Variants in RREB1 observed in about 807,000 individuals in gnomAD.
RREB1 encodes the protein ras-responsive element-binding protein 1.
In RREB1, 27 loss-of-function variants were observed where a neutral mutation model predicts 117.8. The ratio of observed to expected loss-of-function variants is 0.23; its 90% CI spans 0.17 to 0.32. The LOEUF is 0.32. RREB1 is among the 10% of genes least tolerant of loss of function. The pLI is 1.00. For synonymous variants in RREB1, 1,298 were observed against 1,026.7 expected (o/e 1.26, Z -5.05); for missense variants, 2,577 against 2,378.2 (o/e 1.08, Z -1.74).
intron 1 of RREB1, among the ~76,000 whole-genome samples, chr6:7,119,934 C>T (rs1004158976): frequency 1.3e-5 from 2 of 151,698 alleles, no homozygotes; most frequent in Non-Finnish European, 2.9e-5. Context: ...AGGGGCTTGG[C>T]GATGAGGAAG....
intron 10 of RREB1, among the ~76,000 whole-genome samples, chr6:7,232,149 T>C (rs540765233): frequency 2.0e-5 from 3 of 152,316 alleles, no homozygotes; most frequent in African/African-American, 7.2e-5. Context: ...TAAGTGTTCA[T>C]CCGGGGCGTT....
intron 6 of RREB1, among the ~76,000 whole-genome samples, chr6:7,191,221 A>ATT (rs796819855): frequency 2.7e-5 from 4 of 145,794 alleles, no homozygotes; most frequent in African/African-American, 5.0e-5. Context: ...TTCACTTTTC[A>ATT]TTTTTTTTTT....
At chr6:7,195,534 T>A (rs769831504) in intron 6 of RREB1, among the ~76,000 whole-genome samples, 7 of 152,210 alleles carry the variant, frequency 4.6e-5, no homozygotes, top group Non-Finnish European at 1.0e-4. Flanking sequence ...CCCTGGGATG[T>A]GTGTGCAGGA....
intron 1 of RREB1, among the ~76,000 whole-genome samples, chr6:7,137,029 GAGA>G (rs1762371624): frequency 6.6e-6 from 1 of 152,198 alleles, no homozygotes; most frequent in African/African-American, 2.4e-5. Flanking sequence ...GATGTTCTTC[GAGA>G]AGATGGAGGA....
intron 6 of RREB1, among the ~76,000 whole-genome samples, chr6:7,201,494 T>TTCCCCCCCCCCCCCC (rs1429243157): frequency 8.7e-6 from 1 of 115,166 alleles, no homozygotes; most frequent in African/African-American, 3.4e-5. Context: ...GGCAACATTG[T>TTCCCCCCCCCCCCCC]CCCCCCCCCC....
chr6:7,175,903 G>C (rs1490630587), intron 1 of RREB1, among the ~76,000 whole-genome samples: 4 of 152,190 alleles, frequency 2.6e-5, no homozygotes, highest in African/African-American at 9.7e-5. Context: ...TTAAGGCACT[G>C]TTTAGTTGTA....
At chr6:7,161,958 T>C (rs1051913797) in intron 1 of RREB1, among the ~76,000 whole-genome samples, 1 of 152,218 alleles carries the variant, frequency 6.6e-6, no homozygotes, top group Non-Finnish European at 1.5e-5. Context: ...GCTTTAAAAA[T>C]TGTGAGGAGG....
intron 1 of RREB1, among the ~76,000 whole-genome samples, chr6:7,137,839 G>A (rs1042369552): frequency 5.9e-5 from 9 of 152,074 alleles, no homozygotes; most frequent in African/African-American, 2.2e-4. Flanking sequence ...TCTCTTGCCT[G>A]GTGGTAGGCC....
chr6:7,146,668 A>C (rs1161827192), intron 1 of RREB1, among the ~76,000 whole-genome samples: 1 of 152,028 alleles, frequency 6.6e-6, no homozygotes, highest in Non-Finnish European at 1.5e-5. Context: ...TCACTATAAC[A>C]CACATTGCAA....
chr6:7,176,959 A>G lies in RREB1; in HGVS notation c.-166+186A>G, dbSNP rs770580480. 8.3e-4 allele frequency among the ~76,000 whole-genome samples: 126 copies of G among 152,126 alleles called. 1 individual carries two copies. The highest frequency in any genetic ancestry group is 8.7e-4 in the Non-Finnish European group (59 of 67,970). On this transcript the variant is annotated intron_variant, in intron 2 of 12. Transcript: ENST00000379938. ...AGGCCAGACATGGTGGCTCACACCTATAATTCCAGCACTTTAGGAGGCTGA... is the reference window on the plus strand; with the variant it reads ...AGGCCAGACATGGTGGCTCACACCTGTAATTCCAGCACTTTAGGAGGCTGA...
Position 7,230,698 on chromosome 6 carries a change from A to C in RREB1, c.2599A>C (p.Asn867His). 6.3e-7 allele frequency: 1 copy of C among 1,594,110 alleles called. No individual in the cohort carries two copies. The highest frequency in any genetic ancestry group is 8.6e-7 in the Non-Finnish European group (1 of 1,169,324). ...CCTCACTGCCTTCCTGGAACCCCAG[A>C]ACGGCTTTCTTCACAGGGGCCCCAC... ...KPLTAFLEPQ[N>H]GFLHRGPTQP... is the part of the protein sequence containing the mutation. Residue 867 changes from asparagine to histidine, a missense_variant, in exon 10 of 13, where the codon AAC (asparagine) becomes CAC (histidine). Asn to His is a moderately conservative substitution (Grantham distance 68). Transcript: ENST00000379938.
chr6:7,142,604 C>T (rs540038430), intron 1 of RREB1, among the ~76,000 whole-genome samples: 5 of 152,336 alleles, frequency 3.3e-5, no homozygotes, highest in African/African-American at 1.2e-4. Flanking sequence ...CAGGCTTGAC[C>T]CCCAGCAGGC....
intron 12 of RREB1, among the ~76,000 whole-genome samples, 198 bp downstream of exon 12, chr6:7,247,419 G>A (rs1421101845): frequency 6.6e-6 from 1 of 152,202 alleles, no homozygotes; most frequent in Non-Finnish European, 1.5e-5. Flanking sequence ...GCCTCCTGCA[G>A]CCAGGCAGGA....
chr6:7,193,925 T>G (rs998917342), intron 6 of RREB1, among the ~76,000 whole-genome samples: 1 of 151,760 alleles, frequency 6.6e-6, no homozygotes, highest in Admixed American at 6.5e-5. Context: ...AAATAATTGA[T>G]GTAGCTTTTG....
chr6:7,237,679 T>A lies in RREB1; in HGVS notation c.3809-2759T>A, dbSNP rs188231173. Among the ~76,000 whole-genome samples the A allele has an allele frequency of 1.1e-4, 16 of 152,338 alleles. No individual in the cohort carries two copies. In the East Asian group the frequency reaches 2.9e-3, roughly 28 times the overall value. ...CCAAATAAATAGAATCATTTGCTAC[T>A]TTCTATATAGATGGCTGGCCAACAA... On this transcript the variant is annotated intron_variant, in intron 10 of 12. Transcript: ENST00000379938.
At chr6:7,115,958 T>C (rs190096777) in intron 1 of RREB1, among the ~76,000 whole-genome samples, 4 of 152,138 alleles carry the variant, frequency 2.6e-5, no homozygotes, top group African/African-American at 9.7e-5. Context: ...CACACTCCAG[T>C]CTGGCCCTGG....
In RREB1 at chr6:7,229,058, C is replaced by T. The variant is rs1484893381; in HGVS notation, c.959C>T (p.Thr320Ile). ...GAGCAACACCGTTTTGTCTGCGACA[C>T]CTGTGACAAGGCGTTCCCCATGCTC... ...ISEQHRFVCD[T>I]CDKAFPMLCS... is the part of the protein sequence containing the mutation. The change falls in exon 10 of 13, where the codon ACC (threonine) becomes ATC (isoleucine). Residue 320 changes from threonine (T) to isoleucine (I), a missense_variant. Physicochemically the swap from Thr to Ile is moderately conservative, Grantham distance 89 (BLOSUM62 -1). Coordinates refer to ENST00000379938, the MANE Select transcript of RREB1 (RefSeq NM_001003699.4). The surrounding 1 kb of genome is among the most constrained non-coding windows in gnomAD (Gnocchi z 4.5). The T allele has an allele frequency of 6.4e-7, 1 of 1,568,278 alleles. No homozygotes were observed.
chr6:7,234,499 C>G (rs2113137746), intron 10 of RREB1, among the ~76,000 whole-genome samples: 1 of 152,282 alleles, frequency 6.6e-6, no homozygotes, highest in Non-Finnish European at 1.5e-5. Flanking sequence ...GATTGCCTGG[C>G]TTTTGAATGC....
Position 7,229,449 on chromosome 6 carries a change from T to C in RREB1, c.1350T>C (p.Pro450=), listed in dbSNP as rs1285994698. The change falls in exon 10 of 13, where the codon CCT becomes CCC. Residue 450 remains proline, a synonymous_variant. Coordinates refer to ENST00000379938, the MANE Select transcript of RREB1 (RefSeq NM_001003699.4). The surrounding 1 kb of genome is among the most constrained non-coding windows in gnomAD (Gnocchi z 4.5). ...QPFQKGFIIQ[P]DSSIVVKPIS... is the part of the protein sequence containing the mutation. Reference sequence around the variant, plus strand: ...TCCAGAAGGGCTTCATCATCCAGCCTGACAGCAGCATTGTGGTCAAGCCCA... The same window carrying C: ...TCCAGAAGGGCTTCATCATCCAGCCCGACAGCAGCATTGTGGTCAAGCCCA... The C allele has an allele frequency of 6.2e-7, 1 of 1,614,168 alleles. No individual in the cohort carries two copies. Among genetic ancestry groups the C allele is most frequent in the East Asian group, 2.2e-5 (1 of 44,882 alleles).
Sources: gnomAD v4.1 joint callset for allele counts (sites outside exome capture counted in the v4.1 genomes callset) on GRCh38, gnomAD v4.1.1 for gene constraint, Gnocchi (gnomAD v3.1) non-coding constraint, MANE v1.5 for transcripts, NCBI Gene and HGNC (gene_info 2026-07-23, HGNC 2026-07-21) for gene names.